GPATCH1: variants seen among roughly 807,000 people sequenced by gnomAD.
The protein encoded by GPATCH1 is G patch domain-containing protein 1.
Under a neutral mutation model 114.9 loss-of-function variants are expected in GPATCH1, and 73 were observed. The observed-to-expected ratio is 0.64, with a 90% CI of 0.53 to 0.77. The LOEUF (loss-of-function observed/expected upper bound fraction) is 0.77, where lower values mean the gene tolerates loss of function less well. Ranked by LOEUF, GPATCH1 falls within the 30% of genes least tolerant of loss-of-function variation. The pLI is 0.00. For synonymous variants in GPATCH1, 391 were observed against 428.4 expected (o/e 0.91, Z 1.08); for missense variants, 1,058 against 1,144.3 (o/e 0.92, Z 1.09).
chr19:33,087,113 CAG>C (rs1239801575), intron 1 of GPATCH1, among the ~76,000 whole-genome samples: 3 of 152,136 alleles, frequency 2.0e-5, no homozygotes, highest in Non-Finnish European at 2.9e-5. Context: ...AATTGAGGCA[CAG>C]AGAGTCAAGG....
intron 8 of GPATCH1, among the ~76,000 whole-genome samples, chr19:33,098,256 A>G (rs1972686571): frequency 6.6e-6 from 1 of 152,210 alleles, no homozygotes; most frequent in African/African-American, 2.4e-5. Flanking sequence ...GGAGGCCAAC[A>G]CATGCAGCAG....
chr19:33,128,194 C>G (rs1973064151), intron 19 of GPATCH1, among the ~76,000 whole-genome samples: 1 of 151,786 alleles, frequency 6.6e-6, no homozygotes, highest in African/African-American at 2.4e-5. Context: ...CTCAAGGGAT[C>G]CTCCCACCTC....
Position 33,122,314 on chromosome 19 carries a change from G to T in GPATCH1, c.2522-2791G>T, listed in dbSNP as rs142267012. On this transcript the variant is annotated intron_variant, in intron 17 of 19. Coordinates refer to ENST00000170564, the MANE Select transcript of GPATCH1 (RefSeq NM_018025.3). ...TGAGCCACTGTGGCCTGGTTGTTCGGCCCTTTAGTTTCTTTTTTTTTTTTT... is the reference window on the plus strand; with the variant it reads ...TGAGCCACTGTGGCCTGGTTGTTCGTCCCTTTAGTTTCTTTTTTTTTTTTT... 3.2e-3 allele frequency among the ~76,000 whole-genome samples: 455 copies of T among 140,328 alleles called. 4 individuals are homozygous for T. The highest frequency in any genetic ancestry group is 0.012 in the African/African-American group (429 of 36,694). 92.1% of individuals were successfully genotyped at this position (140,328 alleles called of 152,430 possible).
chr19:33,102,286 G>GAT (rs1972735676), intron 9 of GPATCH1, among the ~76,000 whole-genome samples: 3 of 151,902 alleles, frequency 2.0e-5, no homozygotes, highest in African/African-American at 7.3e-5. Flanking sequence ...AGCGAGCCAA[G>GAT]ATCGCACCAT....
chr19:33,117,538 C>T (rs1972929269), intron 15 of GPATCH1, among the ~76,000 whole-genome samples: 1 of 152,130 alleles, frequency 6.6e-6, no homozygotes, highest in South Asian at 2.1e-4. Flanking sequence ...TTGTGATCCA[C>T]CCGCCTAGGC....
rs1361444780 is a variant in GPATCH1 at position 33,130,248 on chromosome 19, T to G, written c.*88T>G. 4 of 790,642 alleles carry G rather than the reference T, an allele frequency of 5.1e-6. No homozygotes were observed. The South Asian group carries it at 7.3e-5, about 15-fold the overall frequency. 49.0% of individuals were successfully genotyped at this position (790,642 alleles called of 1,614,324 possible). On this transcript the variant is annotated 3_prime_UTR_variant, in exon 20 of 20. Coordinates refer to ENST00000170564, the MANE Select transcript of GPATCH1 (RefSeq NM_018025.3). ...TTCAGTTAACGCATTGTACAGAGTG[T>G]ATTTATATGTAAATTCCTGCTGTAA...
rs746359238 is a variant in GPATCH1, at chr19:33,093,391, G to A, written c.327G>A (p.Ala109=). 1.1e-5 allele frequency: 17 copies of A among 1,613,092 alleles called. No homozygotes were observed. In the Admixed American group the frequency reaches 1.7e-4, roughly 16 times the overall value. Residue 109 remains alanine, a synonymous_variant, in exon 4 of 20, where the codon GCG becomes GCA. Coordinates refer to ENST00000170564, the MANE Select transcript of GPATCH1 (RefSeq NM_018025.3). ...DLSEFGIAPK[A]IVTTDDFASK... ...GTGAATTTGGGATAGCACCTAAAGCGATTGTCACCACAGACGATTTTGCCT... is the reference window on the plus strand; with the variant it reads ...GTGAATTTGGGATAGCACCTAAAGCAATTGTCACCACAGACGATTTTGCCT...
At chr19:33,101,289 G>T (rs192193927) in intron 8 of GPATCH1, among the ~76,000 whole-genome samples, 1 of 152,310 alleles carries the variant, frequency 6.6e-6, no homozygotes, top group African/African-American at 2.4e-5. Context: ...GTCCAGGGCG[G>T]TGTGGGCCGG....
chr19:33,122,243 A>G (rs940536146), intron 17 of GPATCH1, among the ~76,000 whole-genome samples: 1 of 151,310 alleles, frequency 6.6e-6, no homozygotes, highest in African/African-American at 2.4e-5. Context: ...TCTAACCTCA[A>G]GTGATCCACC....
At chr19:33,093,811 C>A (rs1972624810) in intron 4 of GPATCH1, among the ~76,000 whole-genome samples, 1 of 152,220 alleles carries the variant, frequency 6.6e-6, no homozygotes, top group Non-Finnish European at 1.5e-5. Flanking sequence ...CTGTCTGCCT[C>A]CTTCTACCCT....
At chr19:33,122,425 C>T (rs988073697) in intron 17 of GPATCH1, among the ~76,000 whole-genome samples, 5 of 151,596 alleles carry the variant, frequency 3.3e-5, no homozygotes, top group African/African-American at 4.8e-5. Flanking sequence ...CCCAGGTTCA[C>T]GCCGTTCTCC....
intron 13 of GPATCH1, 68 bp downstream of exon 13, chr19:33,112,681 C>A: frequency 8.0e-7 from 1 of 1,257,110 alleles, no homozygotes; most frequent in Non-Finnish European, 1.1e-6. Flanking sequence ...TTTCCCCTTA[C>A]ATACTCATAT....
At chr19:33,085,727 AAAGG>A (rs1297992177) in intron 1 of GPATCH1, among the ~76,000 whole-genome samples, 2 of 152,198 alleles carry the variant, frequency 1.3e-5, no homozygotes, top group Non-Finnish European at 2.9e-5. Context: ...GATATGTACT[AAAGG>A]AAGGAATTAG....
intron 1 of GPATCH1, among the ~76,000 whole-genome samples, chr19:33,086,423 A>C (rs1436772838): frequency 6.6e-6 from 1 of 152,128 alleles, no homozygotes; most frequent in African/African-American, 2.4e-5. Context: ...ACAGTTGTGG[A>C]GGCTGAGGCT....
At position 33,114,324 on chromosome 19, in the gene GPATCH1, A is replaced by C; in HGVS notation, c.2101A>C (p.Ser701Arg). 1 of 1,613,460 alleles carries C rather than the reference A, an allele frequency of 6.2e-7. No individual in the cohort carries two copies. Among genetic ancestry groups the C allele is most frequent in the Non-Finnish European group, 8.5e-7 (1 of 1,179,520 alleles). ...KKEDSISEFL[S>R]LARSKAEPPK... ...AGAAGATTCCATTAGTGAATTTTTA[A>C]GTTTGGCTAGATCAAAAGCCGAGCC... The change falls in exon 15 of 20, where the codon AGT (serine) becomes CGT (arginine). Residue 701 changes from serine (S) to arginine (R), a missense_variant. Around this residue, in one of 3 missense-constraint regions of GPATCH1, gnomAD observed 893 missense variants for 977.4 expected, o/e 0.91. Transcript: ENST00000170564.
intron 9 of GPATCH1, among the ~76,000 whole-genome samples, chr19:33,105,847 CTTTT>C (rs562289122): frequency 1.4e-5 from 2 of 145,282 alleles, no homozygotes; most frequent in African/African-American, 5.1e-5. Flanking sequence ...ATTTGTCTTT[CTTTT>C]TTTTTTGTTT....
intron 3 of GPATCH1, among the ~76,000 whole-genome samples, chr19:33,091,135 G>A (rs114895440): frequency 0.032 from 4,855 of 152,166 alleles, 249 homozygotes; most frequent in African/African-American, 0.11. Flanking sequence ...CTCGTGGCTG[G>A]GTGCGGTGGC....
At chr19:33,109,278 A>T (rs956563239) in intron 10 of GPATCH1, among the ~76,000 whole-genome samples, 1 of 152,164 alleles carries the variant, frequency 6.6e-6, no homozygotes, top group African/African-American at 2.4e-5. Flanking sequence ...GCACTTTGGG[A>T]GGCCGAGGCG....
At chr19:33,092,173 C>T (rs931442371) in intron 3 of GPATCH1, among the ~76,000 whole-genome samples, 11 of 151,934 alleles carry the variant, frequency 7.2e-5, no homozygotes, top group African/African-American at 2.7e-4. Context: ...CAGCTTCCCC[C>T]GAGTAGCTGG....
Sources: gnomAD v4.1 joint callset for allele counts (sites outside exome capture counted in the v4.1 genomes callset) on GRCh38, gnomAD v4.1.1 for gene constraint, gnomAD v4.1.1 regional missense constraint, MANE v1.5 for transcripts, NCBI Gene and HGNC (gene_info 2026-07-23, HGNC 2026-07-21) for gene names.